GPA33: variants seen among roughly 807,000 people sequenced by gnomAD.
GPA33 encodes the protein cell surface A33 antigen.
A neutral mutation model predicts 35.6 loss-of-function variants in GPA33; 27 were observed. That is an observed-to-expected ratio of 0.76 (90% CI 0.56 to 1.04). The LOEUF is 1.04. Among genes scored for constraint, GPA33 ranks in the 50% least tolerant of loss-of-function variants. The pLI is 0.00. For missense variants in GPA33, 428 were observed against 411.9 expected (o/e 1.04, Z -0.34); for synonymous variants, 176 against 164.0 (o/e 1.07, Z -0.56).
intron 4 of GPA33, among the ~76,000 whole-genome samples, chr1:167,056,727 G>GGTGT (rs1558001944): frequency 1.4e-3 from 15 of 10,734 alleles, no homozygotes; most frequent in East Asian, 7.1e-3. Context: ...TGTAGTGTGT[G>GGTGT]ATGTATGTGG....
chr1:167,078,566 C>T (rs1341887274), intron 1 of GPA33: 2 of 152,254 alleles, frequency 1.3e-5, no homozygotes, highest in African/African-American at 4.8e-5. Flanking sequence ...GGGCAATATA[C>T]TCCCATCAAC....
rs1237600208 is a variant in GPA33 at position 167,054,432 on chromosome 1, G to C, written c.862C>G (p.Leu288Val). 7.4e-6 allele frequency: 12 copies of C among 1,613,996 alleles called. No individual in the cohort carries two copies. The highest frequency in any genetic ancestry group is 1.0e-5 in the Non-Finnish European group (12 of 1,180,010). Residue 288 changes from leucine (L) to valine (V), a missense_variant, in exon 7 of 7, where the codon CTA (leucine) becomes GTA (valine). Physicochemically the swap from Leu to Val is conservative, Grantham distance 32. Coordinates refer to ENST00000367868, the MANE Select transcript of GPA33 (RefSeq NM_005814.3). ...REAYEEPPEQ[L>V]RELSREREEE... is the part of the protein sequence containing the mutation. ...TCCCTCTCTCTGGAAAGTTCTCTTA[G>C]CTGCTCTGGTGGCTCCTCATAGGCT... is the stretch of plus-strand genomic sequence containing the variant.
chr1:167,066,822 G>C (rs1666602626), intron 3 of GPA33, among the ~76,000 whole-genome samples: 1 of 152,298 alleles, frequency 6.6e-6, no homozygotes, highest in East Asian at 1.9e-4. Context: ...AGAGGCCGGA[G>C]CACCGGGTCC....
chr1:167,054,936 C>G, intron 6 of GPA33, 40 bp downstream of exon 6: 1 of 1,610,978 alleles, frequency 6.2e-7, no homozygotes, highest in East Asian at 2.2e-5. Flanking sequence ...TTTCCAGTCT[C>G]CCCAGACCCT....
At chr1:167,082,133 A>G (rs948791293) in intron 1 of GPA33, 3 of 407,760 alleles carry the variant, frequency 7.4e-6, no homozygotes, top group Non-Finnish European at 9.7e-6. Flanking sequence ...ATAAAGCAGG[A>G]TGCAAAACTG....
At position 167,062,720 on chromosome 1, in the gene GPA33, TC is replaced by T. The variant is rs1424854780; in HGVS notation, c.571+861del. 2.2e-5 allele frequency among the ~76,000 whole-genome samples: 3 copies of T among 137,454 alleles called. No homozygotes were observed. In the Admixed American group the frequency reaches 2.6e-4, roughly 12 times the overall value. The allele number at this position is 137,454 out of a possible 152,430, so 90.2% of individuals were successfully genotyped here. On this transcript the variant is annotated intron_variant, in intron 4 of 6. Transcript: ENST00000367868. ...CAAGCTGCCCAGTACAAAACTGGTC[TC>T]CTGGCAACTATAGCTGAATCCACCA... is the stretch of plus-strand genomic sequence containing the variant.
Position 167,053,942 on chromosome 1 carries a change from G to A in GPA33, c.*392C>T, listed in dbSNP as rs1011916396. The A allele has an allele frequency of 9.5e-6, 2 of 211,506 alleles. No individual in the cohort carries two copies. Among genetic ancestry groups the A allele is most frequent in the South Asian group, 1.9e-4 (2 of 10,574 alleles). The allele number at this position is 211,506 out of a possible 1,614,324, so 13.1% of individuals were successfully genotyped here. A position where few individuals can be genotyped will look rare whatever the true frequency, so the allele number is the denominator to read the frequency against. On this transcript the variant is annotated 3_prime_UTR_variant, in exon 7 of 7. Transcript: ENST00000367868. ...CCCTCCAGGTGCTGGGCACACAGGTGAGCAGGACAGCCCCCACCCCCCAAG... is the reference window on the plus strand; with the variant it reads ...CCCTCCAGGTGCTGGGCACACAGGTAAGCAGGACAGCCCCCACCCCCCAAG...
chr1:167,070,021 A>G (rs111708789), intron 2 of GPA33, among the ~76,000 whole-genome samples: 7 of 152,298 alleles, frequency 4.6e-5, no homozygotes, highest in African/African-American at 1.7e-4. Flanking sequence ...CCAGAAGAAA[A>G]TATCACTTCC....
chr1:167,083,717 T>A (rs1330432289), intron 1 of GPA33, among the ~76,000 whole-genome samples: 2 of 150,282 alleles, frequency 1.3e-5, no homozygotes, highest in African/African-American at 2.5e-5. Flanking sequence ...TAAGCAGGAG[T>A]GAACCTTGAG....
chr1:167,056,652 TG>T, intron 4 of GPA33, among the ~76,000 whole-genome samples: 1 of 65,392 alleles, frequency 1.5e-5, no homozygotes, highest in South Asian at 4.7e-4. Context: ...GTGTGTAGTG[TG>T]TGTGGTACGG....
intron 1 of GPA33, among the ~76,000 whole-genome samples, chr1:167,086,705 T>C (rs578066609): frequency 6.6e-6 from 1 of 152,342 alleles, no homozygotes; most frequent in Admixed American, 6.5e-5. Context: ...TCAAAAACTC[T>C]TCATGGATCA....
chr1:167,084,213 A>T (rs1232903087), intron 1 of GPA33, among the ~76,000 whole-genome samples: 1 of 152,206 alleles, frequency 6.6e-6, no homozygotes, highest in African/African-American at 2.4e-5. Context: ...TCCAGGGTGG[A>T]CAGCAGTTAG....
chr1:167,073,438 T>A lies in GPA33; in HGVS notation c.145A>T (p.Thr49Ser). The part of the protein sequence containing the change: ...VTLPCTYHTS[T>S]SSREGLIQWD... ...TGAATAAGTCCCTCTCGACTGGAGG[T>A]GGAAGTGTGGTAGGTGCAGGGCAGG... Residue 49 changes from threonine to serine, a missense_variant, in exon 2 of 7, where the codon ACC (threonine) becomes TCC (serine). Physicochemically the swap from Thr to Ser is moderately conservative, Grantham distance 58. Coordinates refer to ENST00000367868, the MANE Select transcript of GPA33 (RefSeq NM_005814.3). 6.2e-7 allele frequency: 1 copy of A among 1,612,524 alleles called. No homozygotes were observed.
chr1:167,060,800 C>T (rs956803671), intron 4 of GPA33, among the ~76,000 whole-genome samples: 2 of 152,176 alleles, frequency 1.3e-5, no homozygotes, highest in African/African-American at 4.8e-5. Context: ...CGCACAGGCT[C>T]TTCATGATTT....
At chr1:167,054,840 G>T in intron 6 of GPA33, 136 bp downstream of exon 6, 2 of 994,920 alleles carry the variant, frequency 2.0e-6, no homozygotes, top group Non-Finnish European at 3.0e-6. Context: ...GCTTGGACAG[G>T]TCATTGTTTC....
chr1:167,084,110 A>T (rs1299888446), intron 1 of GPA33, among the ~76,000 whole-genome samples: 2 of 152,144 alleles, frequency 1.3e-5, no homozygotes, highest in Non-Finnish European at 2.9e-5. Flanking sequence ...CAACGATTTG[A>T]GTCTTTATCC....
At chr1:167,066,661 A>G (rs573054449) in intron 3 of GPA33, among the ~76,000 whole-genome samples, 1 of 152,334 alleles carries the variant, frequency 6.6e-6, no homozygotes, top group East Asian at 1.9e-4. Flanking sequence ...GGGACTCGGT[A>G]TATTATCAGT....
intron 3 of GPA33, among the ~76,000 whole-genome samples, chr1:167,064,524 G>A (rs1666546675): frequency 1.3e-5 from 2 of 152,178 alleles, no homozygotes. Context: ...GTTCCATTCT[G>A]TAAAATTAGT....
chr1:167,086,313 C>T (rs147652744), intron 1 of GPA33, among the ~76,000 whole-genome samples: 6 of 152,228 alleles, frequency 3.9e-5, no homozygotes, highest in East Asian at 1.9e-4. Context: ...GTGGGCGGGC[C>T]GCTTATCTTG....
Sources: allele counts gnomAD v4.1 joint callset (sites outside exome capture counted in the v4.1 genomes callset), GRCh38; gene constraint gnomAD v4.1.1; transcripts MANE v1.5; gene names NCBI Gene and HGNC (gene_info 2026-07-23, HGNC 2026-07-21).